The following KALRN variants were observed in gnomAD, a reference collection of about 807,000 sequenced individuals.
The protein encoded by KALRN is kalirin.
A neutral mutation model predicts 353.7 loss-of-function variants in KALRN; 70 were observed. The ratio of observed to expected loss-of-function variants is 0.20; its 90% CI spans 0.16 to 0.24. The LOEUF is 0.24. KALRN is among the 10% of genes least tolerant of loss of function. The pLI is 1.00. For missense variants in KALRN, 2,791 were observed against 3,756.7 expected, an observed-to-expected ratio of 0.74 and a Z score of 6.72; for synonymous variants, 1,391 against 1,434.8, an observed-to-expected ratio of 0.97 and a Z score of 0.69.
intron 34 of KALRN, among the ~76,000 whole-genome samples, chr3:124,569,572 A>C (rs1157145169): frequency 6.6e-6 from 1 of 152,234 alleles, no homozygotes; most frequent in East Asian, 1.9e-4. Context: ...TAATATGCTC[A>C]AAGTCACATA....
At chr3:124,386,031 T>G (rs2088245551) in intron 11 of KALRN, among the ~76,000 whole-genome samples, 1 of 152,162 alleles carries the variant, frequency 6.6e-6, no homozygotes, top group African/African-American at 2.4e-5. Context: ...TTGTTACTGC[T>G]TCACAGCCTT....
In KALRN at chr3:124,490,827, C is replaced by T. The variant is rs563941538; in HGVS notation, c.4530C>T (p.Ser1510=). 13 of 1,613,940 alleles carry T rather than the reference C, an allele frequency of 8.1e-6. No individual in the cohort carries two copies. The South Asian group carries it at 1.3e-4, about 16-fold the overall frequency. ...LFLFEISLVF[S]KEIKDSSGHT... ...TCTTTGAGATCTCCTTGGTTTTTAGCAAGGAGATCAAAGATTCTTCAGGAC... is the reference window on the plus strand; with the variant it reads ...TCTTTGAGATCTCCTTGGTTTTTAGTAAGGAGATCAAAGATTCTTCAGGAC... The change falls in exon 30 of 60, where the codon AGC becomes AGT. Residue 1510 remains serine (S), a synonymous_variant. Coordinates refer to ENST00000682506, the MANE Select transcript of KALRN (RefSeq NM_001388419.1).
intron 1 of KALRN, among the ~76,000 whole-genome samples, chr3:124,183,902 C>T (rs1054661012): frequency 6.6e-6 from 1 of 152,184 alleles, no homozygotes; most frequent in African/African-American, 2.4e-5. Context: ...AAAAGATGGA[C>T]CTGCTCCTTC....
rs143835330 is a variant in KALRN at position 124,671,722 on chromosome 3, C to A, written c.6766C>A (p.Pro2256Thr). Residue 2256 changes from proline (P) to threonine (T), a missense_variant, in exon 48 of 60, where the codon CCT (proline) becomes ACT (threonine). Pro to Thr is a conservative substitution (Grantham distance 38, BLOSUM62 -1). Coordinates refer to ENST00000682506, the MANE Select transcript of KALRN (RefSeq NM_001388419.1). ...GAGCACAGCTGTGATGAGGTCTCAA[C>A]CTGCCAGGCTTCCCCAAGCCAGCCC... ...ERSTAVMRSQ[P>T]ARLPQASPRP... The A allele has an allele frequency of 2.1e-4, 343 of 1,614,170 alleles. 4 individuals are homozygous for A. In the East Asian group the frequency reaches 7.5e-3, roughly 35 times the overall value.
chr3:124,096,323 C>T (rs2061446796), intron 1 of KALRN: 1 of 152,160 alleles, frequency 6.6e-6, no homozygotes, highest in East Asian at 1.9e-4. Flanking sequence ...CAGTGCATGG[C>T]ACAAACAAAG....
intron 6 of KALRN, among the ~76,000 whole-genome samples, chr3:124,302,849 A>G (rs1027703086): frequency 6.6e-6 from 1 of 152,068 alleles, no homozygotes; most frequent in Non-Finnish European, 1.5e-5. Context: ...ACACCCTGGT[A>G]TCTCTCTGTA....
At position 124,299,861 on chromosome 3, in the gene KALRN, C is replaced by A. The variant is rs550525846; in HGVS notation, c.1092+948C>A. On this transcript the variant is annotated intron_variant, in intron 6 of 59. Transcript: ENST00000682506. ...GCGTGGCTACCCCAAGATTTTATTT[C>A]AAAATTGTGTCTGCTCTTTGAAGCC... Among the ~76,000 whole-genome samples the A allele has an allele frequency of 2.6e-5, 4 of 152,236 alleles. No homozygotes were observed. The East Asian group carries it at 7.7e-4, about 29-fold the overall frequency.
chr3:124,079,723 A>AT (rs1423633598), intron 1 of KALRN, among the ~76,000 whole-genome samples: 5 of 152,198 alleles, frequency 3.3e-5, no homozygotes. Context: ...GCCTCCAATG[A>AT]CAGAGAGCTC....
At chr3:124,130,856 G>A (rs955238825) in intron 1 of KALRN, among the ~76,000 whole-genome samples, 14 of 152,242 alleles carry the variant, frequency 9.2e-5, no homozygotes, top group South Asian at 2.1e-4. Flanking sequence ...AGAAGATTGC[G>A]AAAGGAAGCC....
intron 15 of KALRN, among the ~76,000 whole-genome samples, chr3:124,426,082 G>A (rs986785249): frequency 1.3e-5 from 2 of 152,174 alleles, no homozygotes; most frequent in African/African-American, 2.4e-5. Context: ...TGGCCCTCGA[G>A]GTGCCAAGGG....
chr3:124,589,054 T>C (rs2075506541), intron 34 of KALRN, among the ~76,000 whole-genome samples: 1 of 152,182 alleles, frequency 6.6e-6, no homozygotes, highest in Non-Finnish European at 1.5e-5. Context: ...TGCTTGTCTC[T>C]GATGTCATGG....
At chr3:124,214,634 C>G (rs948542443) in intron 1 of KALRN, among the ~76,000 whole-genome samples, 1 of 152,130 alleles carries the variant, frequency 6.6e-6, no homozygotes, top group Non-Finnish European at 1.5e-5. Context: ...GTGAGAAAAT[C>G]GTTTCAGAGA....
At chr3:124,135,251 T>C (rs1384619540) in intron 1 of KALRN, among the ~76,000 whole-genome samples, 1 of 152,178 alleles carries the variant, frequency 6.6e-6, no homozygotes, top group Non-Finnish European at 1.5e-5. Context: ...TTGGAGACTA[T>C]TATTCTAAGT....
At chr3:124,267,507 C>T (rs1241390187) in intron 4 of KALRN, among the ~76,000 whole-genome samples, 1 of 152,194 alleles carries the variant, frequency 6.6e-6, no homozygotes, top group African/African-American at 2.4e-5. Flanking sequence ...GACTCTTAAA[C>T]CTACTGATGT....
intron 10 of KALRN, among the ~76,000 whole-genome samples, chr3:124,357,032 C>T (rs2083496112): frequency 6.6e-6 from 1 of 152,222 alleles, no homozygotes; most frequent in African/African-American, 2.4e-5. Flanking sequence ...CCTCCCACCC[C>T]TTCCGGTGTG....
intron 1 of KALRN, among the ~76,000 whole-genome samples, chr3:124,214,542 A>G (rs924358119): frequency 1.3e-5 from 2 of 152,194 alleles, no homozygotes; most frequent in African/African-American, 4.8e-5. Flanking sequence ...GGGAGCTGAA[A>G]GAGCAGGGGA....
At chr3:124,427,603 G>T (rs984788882) in intron 15 of KALRN, among the ~76,000 whole-genome samples, 3 of 152,146 alleles carry the variant, frequency 2.0e-5, no homozygotes, top group Non-Finnish European at 2.9e-5. Context: ...TCCTGACTTG[G>T]GCTTAGCTGA....
chr3:124,068,898 G>A (rs1340995490), intron 1 of KALRN, among the ~76,000 whole-genome samples: 1 of 152,202 alleles, frequency 6.6e-6, no homozygotes. Context: ...AGGTAGTAAT[G>A]TGATTTGTGA....
chr3:124,329,080 A>AT (rs543452811), intron 7 of KALRN, among the ~76,000 whole-genome samples: 6 of 152,314 alleles, frequency 3.9e-5, no homozygotes, highest in Non-Finnish European at 2.9e-5. Context: ...TGTTGGGTGA[A>AT]TTATTTGCAT....
Sources: gnomAD v4.1 joint callset for allele counts (sites outside exome capture counted in the v4.1 genomes callset) on GRCh38, gnomAD v4.1.1 for gene constraint, MANE v1.5 for transcripts, NCBI Gene and HGNC (gene_info 2026-07-23, HGNC 2026-07-21) for gene names.